DNAAF9: variants seen among roughly 807,000 people sequenced by gnomAD.
DNAAF9 encodes shulin.
DNAAF9 carries 90 observed loss-of-function variants against 167.0 expected under a neutral mutation model. The observed-to-expected ratio is 0.54, with a 90% CI of 0.45 to 0.64. The LOEUF is 0.64. Ranked by LOEUF, DNAAF9 falls within the 30% of genes least tolerant of loss-of-function variation. The pLI is 0.00. For missense variants in DNAAF9, 1,315 were observed against 1,442.2 expected (o/e 0.91, Z 1.43); for synonymous variants, 491 against 508.8 (o/e 0.96, Z 0.47).
chr20:3,306,641 G>A (rs531944394), intron 20 of DNAAF9, among the ~76,000 whole-genome samples: 1 of 152,234 alleles, frequency 6.6e-6, no homozygotes, highest in Admixed American at 6.5e-5. Context: ...TACCATGCTG[G>A]TGCCTTCAGT....
intron 1 of DNAAF9, 139 bp from the exon 2 acceptor site, chr20:3,382,645 G>GT: frequency 2.9e-6 from 2 of 680,236 alleles, no homozygotes; most frequent in Non-Finnish European, 5.3e-6. Flanking sequence ...TCTGGTTCTG[G>GT]TATCAGAACC....
At chr20:3,363,531 CTT>C (rs756444381) in intron 6 of DNAAF9, among the ~76,000 whole-genome samples, 78 of 120,512 alleles carry the variant, frequency 6.5e-4, no homozygotes, top group Middle Eastern at 5.3e-3. Context: ...AAAGCAAACT[CTT>C]TTTTTTTTTT....
chr20:3,359,047 T>C (rs1279355437), intron 7 of DNAAF9, among the ~76,000 whole-genome samples: 1 of 152,228 alleles, frequency 6.6e-6, no homozygotes, highest in Non-Finnish European at 1.5e-5. Flanking sequence ...TACTATGGCA[T>C]TGTTAAGTAG....
intron 22 of DNAAF9, among the ~76,000 whole-genome samples, 164 bp downstream of exon 22, chr20:3,297,865 C>T (rs6051723): frequency 1.3e-5 from 2 of 152,056 alleles, no homozygotes; most frequent in African/African-American, 4.8e-5. Flanking sequence ...AACAGCACCA[C>T]TCCAGAACTT....
chr20:3,363,160 C>T (rs182817380), intron 6 of DNAAF9, among the ~76,000 whole-genome samples: 199 of 147,848 alleles, frequency 1.3e-3, no homozygotes, highest in African/African-American at 4.3e-3. Flanking sequence ...ACCCAGGAGG[C>T]GGAGGTTACG....
intron 16 of DNAAF9, among the ~76,000 whole-genome samples, 195 bp downstream of exon 16, chr20:3,322,022 G>A (rs936838120): frequency 6.6e-6 from 1 of 152,112 alleles, no homozygotes; most frequent in Admixed American, 6.5e-5. Flanking sequence ...GATGTGGGTG[G>A]GCCTAGCACA....
chr20:3,402,518 T>C (rs2084001502), intron 1 of DNAAF9, among the ~76,000 whole-genome samples: 1 of 152,094 alleles, frequency 6.6e-6, no homozygotes, highest in African/African-American at 2.4e-5. Context: ...TCAATCAACA[T>C]CTCCCCATCC....
intron 23 of DNAAF9, 39 bp downstream of exon 23, chr20:3,296,822 C>G (rs2069088890): frequency 7.5e-7 from 1 of 1,332,126 alleles, no homozygotes; most frequent in African/African-American, 1.4e-5. Flanking sequence ...ACCCACAAAG[C>G]CTAGGGAAGC....
At chr20:3,264,986 C>A (rs928670613) in intron 30 of DNAAF9, among the ~76,000 whole-genome samples, 6 of 152,132 alleles carry the variant, frequency 3.9e-5, no homozygotes, top group African/African-American at 1.4e-4. Flanking sequence ...TGATATTTTA[C>A]CCCTAAATAC....
chr20:3,314,855 C>CT (rs1269770322), intron 20 of DNAAF9, among the ~76,000 whole-genome samples, 178 bp downstream of exon 20: 1 of 152,160 alleles, frequency 6.6e-6, no homozygotes, highest in East Asian at 1.9e-4. Flanking sequence ...TCAGCCCTTC[C>CT]TAGCATAAAT....
chr20:3,362,986 T>C (rs2083382585), intron 6 of DNAAF9, among the ~76,000 whole-genome samples: 1 of 152,092 alleles, frequency 6.6e-6, no homozygotes, highest in Non-Finnish European at 1.5e-5. Context: ...CCCAGCAATT[T>C]GGGAGGCCGA....
intron 21 of DNAAF9, among the ~76,000 whole-genome samples, chr20:3,303,057 T>C (rs1377014591): frequency 1.3e-5 from 2 of 152,048 alleles, no homozygotes; most frequent in Non-Finnish European, 2.9e-5. Context: ...GCTAACATAG[T>C]GAAACCCCGT....
intron 21 of DNAAF9, among the ~76,000 whole-genome samples, chr20:3,303,038 A>G (rs1279632202): frequency 6.6e-6 from 1 of 152,160 alleles, no homozygotes; most frequent in Non-Finnish European, 1.5e-5. Context: ...GGAGATCGAG[A>G]CTGTCCTGGC....
intron 31 of DNAAF9, 77 bp downstream of exon 31, chr20:3,264,361 C>T (rs2068447805): frequency 3.7e-5 from 22 of 596,110 alleles, no homozygotes; most frequent in Non-Finnish European, 4.4e-5. Flanking sequence ...CACCTTCTCT[C>T]TTTTTTTTTT....
At chr20:3,351,297 A>T (rs976958476) in intron 7 of DNAAF9, among the ~76,000 whole-genome samples, 1 of 152,224 alleles carries the variant, frequency 6.6e-6, no homozygotes, top group Admixed American at 6.5e-5. Context: ...CAGCCTGGCC[A>T]AAGTGGAGAA....
intron 6 of DNAAF9, among the ~76,000 whole-genome samples, chr20:3,371,846 T>C (rs1309098370): frequency 6.6e-6 from 1 of 152,182 alleles, no homozygotes; most frequent in East Asian, 1.9e-4. Context: ...GTGGAGCTGA[T>C]TGATGTAAAT....
At position 3,305,617 on chromosome 20, in the gene DNAAF9, A is replaced by C. The variant is rs185998857; in HGVS notation, c.1679-1074T>G. Among the ~76,000 whole-genome samples the C allele has an allele frequency of 2.0e-5, 3 of 152,336 alleles. No individual in the cohort carries two copies. In the East Asian group the frequency reaches 5.8e-4, roughly 29 times the overall value. On this transcript the variant is annotated intron_variant, in intron 20 of 36. Transcript: ENST00000252032. ...GGCTGCCTTCACATCCTGGGTGAGG[A>C]ATCTGGAGACTGCAAGCTTTGAGGG...
At chr20:3,407,374 GA>G (rs2084077238) in intron 1 of DNAAF9, 100 bp downstream of exon 1, 1 of 989,730 alleles carries the variant, frequency 1.0e-6, no homozygotes, top group Non-Finnish European at 1.3e-6. Flanking sequence ...CCGTCCCGAG[GA>G]AGCCATGTCG....
intron 35 of DNAAF9, among the ~76,000 whole-genome samples, chr20:3,254,809 G>T (rs1177922178): frequency 6.6e-6 from 1 of 152,218 alleles, no homozygotes; most frequent in Non-Finnish European, 1.5e-5. Flanking sequence ...CATCAAGGGG[G>T]TCTCTCAATC....
Sources: allele counts gnomAD v4.1 joint callset (sites outside exome capture counted in the v4.1 genomes callset), GRCh38; gene constraint gnomAD v4.1.1; transcripts MANE v1.5; gene names NCBI Gene and HGNC (gene_info 2026-07-23, HGNC 2026-07-21).